Variants in LAD1 observed in about 807,000 individuals in gnomAD.
The protein encoded by LAD1 is ladinin-1.
A neutral mutation model predicts 54.2 loss-of-function variants in LAD1; 53 were observed. The observed-to-expected ratio is 0.98, with a 90% CI of 0.78 to 1.23. LAD1 has a LOEUF of 1.23. LAD1 is among the 50% of genes most tolerant of loss of function. LAD1 has a pLI of 0.00. For synonymous variants in LAD1, 231 were observed against 257.7 expected, an observed-to-expected ratio of 0.90 and a Z score of 0.99; for missense variants, 637 against 653.3, an observed-to-expected ratio of 0.98 and a Z score of 0.27.
chr1:201,389,389 C>T, intron 1 of LAD1, 86 bp from the exon 2 acceptor site: 1 of 1,494,448 alleles, frequency 6.7e-7, no homozygotes, highest in Non-Finnish European at 9.0e-7. Flanking sequence ...GGAGAAGAGA[C>T]CAAATGCCCT....
At chr1:201,397,511 G>C (rs1454944022) in intron 1 of LAD1, among the ~76,000 whole-genome samples, 1 of 152,086 alleles carries the variant, frequency 6.6e-6, no homozygotes, top group African/African-American at 2.4e-5. Flanking sequence ...GCCAGACCTT[G>C]CTCCCATTTT....
In LAD1 at chr1:201,383,119, C is replaced by T. The variant is rs752203183; in HGVS notation, c.1341G>A (p.Lys447=). Residue 447 remains lysine (K), a synonymous_variant, in exon 7 of 10, where the codon AAG becomes AAA. Coordinates refer to ENST00000391967, the MANE Select transcript of LAD1 (RefSeq NM_005558.4). The stretch of plus-strand genomic sequence containing the variant: ...CTGCTCGGCTCTGGCCCGCCAGTTC[C>T]TTCTCAAAGAGGTGGCGCTTGCTGG... The part of the protein sequence containing the change: ...GVASKRHLFE[K]ELAGQSRAEP... 1 of 1,614,118 alleles carries T rather than the reference C, an allele frequency of 6.2e-7. No homozygotes were observed. The highest frequency in any genetic ancestry group is 1.3e-5 in the African/African-American group (1 of 75,050).
Position 201,383,189 on chromosome 1 carries a change from C to A in LAD1, c.1271G>T (p.Arg424Leu), listed in dbSNP as rs372635622. Reference sequence around the variant, plus strand: ...GAATAACTCAGTGCAAGGCAGACCCCGAGACTTGACAGATTCTGATCTCTG... The same window carrying A: ...GAATAACTCAGTGCAAGGCAGACCCAGAGACTTGACAGATTCTGATCTCTG... ...AIRRSESVKSRGLPCTELFVA... is the reference protein window; with the variant it reads ...AIRRSESVKSLGLPCTELFVA... Residue 424 changes from arginine to leucine, a missense_variant, in exon 7 of 10, where the codon CGG (arginine) becomes CTG (leucine). Arg to Leu is a moderately radical substitution (Grantham distance 102). Transcript: ENST00000391967. 13 of 1,613,896 alleles carry A rather than the reference C, an allele frequency of 8.1e-6. No individual in the cohort carries two copies. The African/African-American group carries it at 1.5e-4, about 18-fold the overall frequency.
chr1:201,396,451 T>G (rs1000682848), intron 1 of LAD1, among the ~76,000 whole-genome samples: 6 of 152,220 alleles, frequency 3.9e-5, no homozygotes, highest in African/African-American at 1.4e-4. Context: ...AACTTCCATC[T>G]ATTCTGCAGC....
chr1:201,387,106 G>C lies in LAD1; in HGVS notation c.255C>G (p.Ile85Met). The change falls in exon 3 of 10, where the codon ATC (isoleucine) becomes ATG (methionine). Residue 85 changes from isoleucine (I) to methionine (M), a missense_variant. Physicochemically the swap from Ile to Met is conservative, Grantham distance 10. Coordinates refer to ENST00000391967, the MANE Select transcript of LAD1 (RefSeq NM_005558.4). ...CCTGCCGTGTTCTGAGGATGCTCTG[G>C]ATGTCCTCGTCCTCATCTTTGGAGG... ...PPASKDEDED[I>M]QSILRTRQER... is the part of the protein sequence containing the mutation. The C allele has an allele frequency of 6.3e-7, 1 of 1,597,824 alleles. No individual in the cohort carries two copies. The highest frequency in any genetic ancestry group is 8.5e-7 in the Non-Finnish European group (1 of 1,172,920).
chr1:201,388,663 C>A (rs994723661), intron 2 of LAD1, among the ~76,000 whole-genome samples: 42 of 143,186 alleles, frequency 2.9e-4, no homozygotes, highest in African/African-American at 1.1e-3. Context: ...AGCCTAGCGA[C>A]ACAGCGAGAC....
At position 201,385,762 on chromosome 1, in the gene LAD1, G is replaced by A. The variant is rs768632611; in HGVS notation, c.1070C>T (p.Pro357Leu). The A allele has an allele frequency of 3.7e-6, 6 of 1,614,192 alleles. No homozygotes were observed. The South Asian group carries it at 5.5e-5, about 15-fold the overall frequency. Reference sequence around the variant, plus strand: ...GGAGCTGCTGTAGGTTCGCTGTGTGGGTGAGGACATATCTGCCTCTTCCTC... The same window carrying A: ...GGAGCTGCTGTAGGTTCGCTGTGTGAGTGAGGACATATCTGCCTCTTCCTC... Reference protein sequence around the residue: ...SKEEEADMSSPTQRTYSSSLK... With the variant: ...SKEEEADMSSLTQRTYSSSLK... The change falls in exon 4 of 10, where the codon CCC becomes CTC. Residue 357 changes from proline (P) to leucine (L), a missense_variant. Pro to Leu is a moderately conservative substitution (Grantham distance 98). Transcript: ENST00000391967.
At chr1:201,384,957 C>T (rs1464940296) in intron 4 of LAD1, 122 bp from the exon 5 acceptor site, 1 of 860,456 alleles carries the variant, frequency 1.2e-6, no homozygotes, top group Non-Finnish European at 1.9e-6. Flanking sequence ...ACCCCTTCTA[C>T]CAGGGGTCAA....
In LAD1 at chr1:201,385,856, C is replaced by T. The variant is rs369246175; in HGVS notation, c.1027-51G>A. The stretch of plus-strand genomic sequence containing the variant: ...ATAAGAGGTCTAGGGCCCATCAAGC[C>T]GGGGCAGCCATAAACCCCATGGCTC... On this transcript the variant is annotated intron_variant, in intron 3 of 9. Coordinates refer to ENST00000391967, the MANE Select transcript of LAD1 (RefSeq NM_005558.4). 1.1e-4 allele frequency: 145 copies of T among 1,378,388 alleles called. 1 individual carries two copies. In the African/African-American group the frequency reaches 1.1e-3, roughly 10 times the overall value. 85.4% of individuals were successfully genotyped at this position (1,378,388 alleles called of 1,614,324 possible).
rs777213457 is a variant in LAD1 at position 201,386,923 on chromosome 1, C to T, written c.438G>A (p.Leu146=). The T allele has an allele frequency of 3.7e-6, 6 of 1,613,312 alleles. No individual in the cohort carries two copies. The highest frequency in any genetic ancestry group is 5.1e-6 in the Non-Finnish European group (6 of 1,179,910). Residue 146 remains leucine, a synonymous_variant, in exon 3 of 10, where the codon CTG becomes CTA. Transcript: ENST00000391967. Reference sequence around the variant, plus strand: ...CCCAGGGGCCCCGCTGTTCCCGACTCAGTCTCCGGCGAGGTGGGATTTCCA... The same window carrying T: ...CCCAGGGGCCCCGCTGTTCCCGACTTAGTCTCCGGCGAGGTGGGATTTCCA... ...KELEIPPRRR[L]SREQRGPWAL...
rs1662094381 is a variant in LAD1 at position 201,386,629 on chromosome 1, G to A, written c.732C>T (p.Ala244=). 1 of 1,614,014 alleles carries A rather than the reference G, an allele frequency of 6.2e-7. No individual in the cohort carries two copies. Among genetic ancestry groups the A allele is most frequent in the Non-Finnish European group, 8.5e-7 (1 of 1,180,008 alleles). The change falls in exon 3 of 10, where the codon GCC becomes GCT. Residue 244 remains alanine (A), a synonymous_variant. Transcript: ENST00000391967. The part of the protein sequence containing the change: ...EKTSVSEKSL[A]PGMALGSGRR... ...TTCCTGAGCCCAGTGCCATCCCTGG[G>A]GCCAGCGACTTCTCAGAGACACTGG...
At chr1:201,382,930 C>T (rs1661992233) in intron 7 of LAD1, 144 bp downstream of exon 7, 6 of 1,119,836 alleles carry the variant, frequency 5.4e-6, no homozygotes, top group South Asian at 1.5e-5. Flanking sequence ...GGCTCAGGAA[C>T]GTGAATGGGA....
Position 201,387,144 on chromosome 1 carries a change from G to T in LAD1, c.217C>A (p.Pro73Thr). 1 of 1,534,516 alleles carries T rather than the reference G, an allele frequency of 6.5e-7. No homozygotes were observed. ...PSVEEAEVPK[P>T]LPPASKDEDE... ...TCATCTTTGGAGGCTGGGGGCAGTG[G>T]CTTGGGCACCTCTGCTTCTTCCACG... The change falls in exon 3 of 10, where the codon CCA becomes ACA. Residue 73 changes from proline to threonine, a missense_variant. Pro to Thr is a conservative substitution (Grantham distance 38). Coordinates refer to ENST00000391967, the MANE Select transcript of LAD1 (RefSeq NM_005558.4).
In LAD1 at chr1:201,383,299, G is replaced by A. The variant is rs774072125; in HGVS notation, c.1248+18C>T. 7 of 1,613,898 alleles carry A rather than the reference G, an allele frequency of 4.3e-6. No individual in the cohort carries two copies. The East Asian group carries it at 1.6e-4, about 36-fold the overall frequency. On this transcript the variant is annotated intron_variant, in intron 6 of 9. Transcript: ENST00000391967. ...CTCATCCTGCACCCTCCGCCCCTCA[G>A]GAGAAGCCCCCACCCACCCGTATGG...
At position 201,381,879 on chromosome 1, in the gene LAD1, C is replaced by T. The variant is rs374204005; in HGVS notation, c.*9G>A. The T allele has an allele frequency of 1.2e-4, 189 of 1,613,770 alleles. 1 individual carries two copies. Among genetic ancestry groups the T allele is most frequent in the Non-Finnish European group, 1.3e-4 (156 of 1,179,860 alleles). ...ACGAAGACTTGCAGGTCTGTCTTGGCGGGGCTTGTCACACCTGTGGGGCAA... is the reference window on the plus strand; with the variant it reads ...ACGAAGACTTGCAGGTCTGTCTTGGTGGGGCTTGTCACACCTGTGGGGCAA... On this transcript the variant is annotated 3_prime_UTR_variant, in exon 10 of 10. Coordinates refer to ENST00000391967, the MANE Select transcript of LAD1 (RefSeq NM_005558.4).
Position 201,387,030 on chromosome 1 carries a change from C to G in LAD1, c.331G>C (p.Glu111Gln), listed in dbSNP as rs775140152. The change falls in exon 3 of 10, where the codon GAG (glutamate) becomes CAG (glutamine). Residue 111 changes from glutamate (E) to glutamine (Q), a missense_variant. Transcript: ENST00000391967. ...VVEAAQAPIQ[E>Q]RLEAEEGRNS... ...CTCCCCTCCTCTGCCTCCAGCCTCT[C>G]CTGGATGGGGGCCTGTGCAGCCTCC... 21 of 1,612,030 alleles carry G rather than the reference C, an allele frequency of 1.3e-5. No homozygotes were observed. Among genetic ancestry groups the G allele is most frequent in the Non-Finnish European group, 1.7e-5 (20 of 1,179,186 alleles).
chr1:201,394,135 C>T (rs1571724934), intron 1 of LAD1, among the ~76,000 whole-genome samples: 1 of 152,126 alleles, frequency 6.6e-6, no homozygotes, highest in Admixed American at 6.5e-5. Flanking sequence ...GTACGGTGCC[C>T]GGCACCCAGC....
At chr1:201,387,954 G>C (rs1402100442) in intron 2 of LAD1, among the ~76,000 whole-genome samples, 1 of 152,172 alleles carries the variant, frequency 6.6e-6, no homozygotes. Context: ...TACAAACTGG[G>C]CTTGTTAGGA....
intron 5 of LAD1, among the ~76,000 whole-genome samples, chr1:201,383,815 C>T (rs1265744900): frequency 6.6e-6 from 1 of 152,184 alleles, no homozygotes; most frequent in Non-Finnish European, 1.5e-5. Flanking sequence ...GCATACAAGG[C>T]TCTAGTGATC....
Sources: allele counts gnomAD v4.1 joint callset (sites outside exome capture counted in the v4.1 genomes callset), GRCh38; gene constraint gnomAD v4.1.1; transcripts MANE v1.5; gene names NCBI Gene and HGNC (gene_info 2026-07-23, HGNC 2026-07-21).